The following TMED10 variants were observed in gnomAD, a reference collection of about 807,000 sequenced individuals.
TMED10 encodes the protein transmembrane p24 trafficking protein 10.
TMED10 carries 7 observed loss-of-function variants against 23.1 expected under a neutral mutation model. The ratio of observed to expected loss-of-function variants is 0.30; its 90% CI spans 0.17 to 0.57. TMED10 has a LOEUF of 0.57. Ranked by LOEUF, TMED10 falls within the 20% of genes least tolerant of loss-of-function variation. The pLI is 0.91. For missense variants in TMED10, 162 were observed against 274.8 expected, an observed-to-expected ratio of 0.59 and a Z score of 2.90; for synonymous variants, 113 against 106.9, an observed-to-expected ratio of 1.06 and a Z score of -0.35.
intron 1 of TMED10, among the ~76,000 whole-genome samples, chr14:75,164,241 T>C (rs1896121141): frequency 6.7e-6 from 1 of 148,312 alleles, no homozygotes; most frequent in Non-Finnish European, 1.5e-5. Flanking sequence ...TTTTTTTTTT[T>C]TTTTTTTTGA....
At chr14:75,151,201 G>A (rs1895952333) in intron 2 of TMED10, among the ~76,000 whole-genome samples, 3 of 149,894 alleles carry the variant, frequency 2.0e-5, no homozygotes, top group South Asian at 2.1e-4. Flanking sequence ...CACTGCGCCC[G>A]GCCAGTTTTT....
intron 1 of TMED10, among the ~76,000 whole-genome samples, chr14:75,169,914 A>G (rs1266895909): frequency 6.6e-6 from 1 of 152,126 alleles, no homozygotes; most frequent in Non-Finnish European, 1.5e-5. Flanking sequence ...GAATCCTTGA[A>G]GCAGTCGTCA....
At position 75,175,467 on chromosome 14, in the gene TMED10, G is replaced by GT. The variant is rs1353887061; in HGVS notation, c.225+887dup. Among the ~76,000 whole-genome samples the GT allele has an allele frequency of 3.3e-5, 5 of 152,250 alleles. No individual in the cohort carries two copies. In the East Asian group the frequency reaches 9.6e-4, roughly 29 times the overall value. On this transcript the variant is annotated intron_variant, in intron 1 of 4. Coordinates refer to ENST00000303575, the MANE Select transcript of TMED10 (RefSeq NM_006827.6). Reference sequence around the variant, plus strand: ...TCAACATACTTAACTACCAAACTAAGTAAGAATCTATTCCATCGCAAGGAC... The same window carrying GT: ...TCAACATACTTAACTACCAAACTAAGTTAAGAATCTATTCCATCGCAAGGAC...
intron 3 of TMED10, chr14:75,136,926 C>A (rs1000168389): frequency 6.6e-6 from 1 of 152,048 alleles, no homozygotes; most frequent in African/African-American, 2.4e-5. Flanking sequence ...ATCTGTCACA[C>A]CAGCAAAGAT....
chr14:75,157,993 T>C (rs1896040914), intron 1 of TMED10, among the ~76,000 whole-genome samples: 1 of 151,508 alleles, frequency 6.6e-6, no homozygotes, highest in African/African-American at 2.4e-5. Flanking sequence ...ATTTGAGAAA[T>C]GTCCAAAACC....
chr14:75,169,712 C>G (rs965537946), intron 1 of TMED10, among the ~76,000 whole-genome samples: 1 of 152,138 alleles, frequency 6.6e-6, no homozygotes, highest in African/African-American at 2.4e-5. Flanking sequence ...CTCAGCTGGC[C>G]AGGTTCTGCA....
At chr14:75,143,183 C>G (rs907872404) in intron 3 of TMED10, among the ~76,000 whole-genome samples, 2 of 151,928 alleles carry the variant, frequency 1.3e-5, no homozygotes, top group African/African-American at 4.8e-5. Context: ...TGAGGCCCGC[C>G]GCCTAGGAGA....
chr14:75,172,402 G>C (rs2139864046), intron 1 of TMED10, among the ~76,000 whole-genome samples: 1 of 151,962 alleles, frequency 6.6e-6, no homozygotes, highest in Non-Finnish European at 1.5e-5. Context: ...CCGCCTCCCA[G>C]GTTCAAGAGA....
At chr14:75,170,505 C>A (rs1327865063) in intron 1 of TMED10, among the ~76,000 whole-genome samples, 1 of 152,030 alleles carries the variant, frequency 6.6e-6, no homozygotes, top group Non-Finnish European at 1.5e-5. Context: ...CAAAACCTAA[C>A]AGGATTATGT....
In TMED10 at chr14:75,147,489, C is replaced by T. The variant is rs530304856; in HGVS notation, c.411+175G>A. ...GATTACAGGAGTGAGCCACCGCGCC[C>T]GGCTAAGGCTGTTAATACCACTTTT... On this transcript the variant is annotated intron_variant, in intron 3 of 4. Transcript: ENST00000303575. 5.5e-5 allele frequency: 40 copies of T among 728,042 alleles called. 1 individual carries two copies. The highest frequency in any genetic ancestry group is 3.6e-4 in the South Asian group (22 of 60,968). 45.1% of individuals were successfully genotyped at this position (728,042 alleles called of 1,614,324 possible).
intron 1 of TMED10, among the ~76,000 whole-genome samples, chr14:75,159,031 T>C (rs1179691487): frequency 2.0e-5 from 3 of 152,186 alleles, no homozygotes; most frequent in Admixed American, 6.5e-5. Flanking sequence ...TAGTCATCAG[T>C]GTGATGCCTC....
At chr14:75,147,897 T>C in intron 2 of TMED10, 160 bp from the exon 3 acceptor site, 1 of 677,172 alleles carries the variant, frequency 1.5e-6, no homozygotes, top group Non-Finnish European at 2.5e-6. Context: ...TTCCTGGCTC[T>C]GGCTAAAATC....
intron 3 of TMED10, among the ~76,000 whole-genome samples, chr14:75,143,521 T>C (rs1180816146): frequency 6.6e-6 from 1 of 152,216 alleles, no homozygotes; most frequent in Non-Finnish European, 1.5e-5. Context: ...GAGAAGCTTC[T>C]TGTGACAAGA....
At position 75,165,440 on chromosome 14, in the gene TMED10, C is replaced by T. The variant is rs1896148422; in HGVS notation, c.225+10915G>A. Among the ~76,000 whole-genome samples the T allele has an allele frequency of 2.0e-5, 3 of 152,224 alleles. No individual in the cohort carries two copies. The South Asian group carries it at 6.2e-4, about 32-fold the overall frequency. ...ACAGGGTTTCACCATGTTGGCCAGG[C>T]TGGTCTCGAACTCCTGACCTTGTGA... On this transcript the variant is annotated intron_variant, in intron 1 of 4. Transcript: ENST00000303575.
chr14:75,147,185 G>GTTTTTTTTTTTTT lies in TMED10; in HGVS notation c.411+466_411+478dup, dbSNP rs71119349. Among the ~76,000 whole-genome samples, 316 of 116,556 alleles carry GTTTTTTTTTTTTT rather than the reference G, an allele frequency of 2.7e-3. 20 individuals are homozygous for GTTTTTTTTTTTTT. The highest frequency in any genetic ancestry group is 8.2e-3 in the African/African-American group (216 of 26,266). The allele number at this position is 116,556 out of a possible 152,430, so 76.5% of individuals were successfully genotyped here. A position where few individuals can be genotyped will look rare whatever the true frequency, so the allele number is the denominator to read the frequency against. On this transcript the variant is annotated intron_variant, in intron 3 of 4. Transcript: ENST00000303575. ...ACAGCCAGAATTATTCTTCAAGGCT[G>GTTTTTTTTTTTTT]TTTTTTTTTTTTTTTTTTTTTGAGA...
chr14:75,137,436 G>A (rs1375258935), intron 3 of TMED10, among the ~76,000 whole-genome samples: 2 of 148,878 alleles, frequency 1.3e-5, no homozygotes, highest in Non-Finnish European at 3.0e-5. Context: ...ACTTTGGGAG[G>A]CCGAGGTGGG....
intron 2 of TMED10, among the ~76,000 whole-genome samples, chr14:75,151,542 T>TA (rs1297322651): frequency 2.0e-5 from 3 of 152,168 alleles, no homozygotes; most frequent in Non-Finnish European, 4.4e-5. Context: ...TTCACTTTGT[T>TA]AGAGCAGTTT....
At chr14:75,154,887 T>G (rs765666156) in intron 1 of TMED10, among the ~76,000 whole-genome samples, 1 of 151,194 alleles carries the variant, frequency 6.6e-6, no homozygotes, top group Non-Finnish European at 1.5e-5. Flanking sequence ...ATGGTCTTGA[T>G]CTCCTGACCT....
intron 1 of TMED10, among the ~76,000 whole-genome samples, chr14:75,163,507 C>T (rs1210903383): frequency 7.2e-6 from 1 of 139,586 alleles, no homozygotes; most frequent in Admixed American, 7.5e-5. Flanking sequence ...GAGCCGAGAT[C>T]TCGCCACTGC....
Sources: gnomAD v4.1 joint callset for allele counts (sites outside exome capture counted in the v4.1 genomes callset) on GRCh38, gnomAD v4.1.1 for gene constraint, MANE v1.5 for transcripts, NCBI Gene and HGNC (gene_info 2026-07-23, HGNC 2026-07-21) for gene names.